The following SH3GL2 variants were observed in gnomAD, a reference collection of about 807,000 sequenced individuals.
SH3GL2 encodes the protein endophilin-A1.
Under a neutral mutation model 46.0 loss-of-function variants are expected in SH3GL2, and 24 were observed. That is an observed-to-expected ratio of 0.52 (90% CI 0.38 to 0.73). The LOEUF (loss-of-function observed/expected upper bound fraction) is 0.73, where lower values mean the gene tolerates loss of function less well. SH3GL2 is among the 30% of genes least tolerant of loss of function. SH3GL2 has a pLI of 0.00. For synonymous variants in SH3GL2, 196 were observed against 147.1 expected, an observed-to-expected ratio of 1.33 and a Z score of -2.40; for missense variants, 413 against 424.2, an observed-to-expected ratio of 0.97 and a Z score of 0.23.
intron 1 of SH3GL2, among the ~76,000 whole-genome samples, chr9:17,654,524 C>A (rs1820025979): frequency 6.6e-6 from 1 of 152,128 alleles, no homozygotes; most frequent in African/African-American, 2.4e-5. Context: ...GCCAATATGC[C>A]TGTCAGTAAG....
At chr9:17,622,832 G>A (rs1432951634) in intron 1 of SH3GL2, among the ~76,000 whole-genome samples, 1 of 152,046 alleles carries the variant, frequency 6.6e-6, no homozygotes, top group African/African-American at 2.4e-5. Context: ...TGTGCTTGGG[G>A]CATGAAAACC....
At chr9:17,599,624 G>A (rs1177772728) in intron 1 of SH3GL2, among the ~76,000 whole-genome samples, 2 of 152,200 alleles carry the variant, frequency 1.3e-5, no homozygotes, top group Admixed American at 1.3e-4. Flanking sequence ...AGTTTTATGA[G>A]GCAAATGATG....
At chr9:17,717,354 A>T (rs1821788434) in intron 1 of SH3GL2, among the ~76,000 whole-genome samples, 1 of 151,944 alleles carries the variant, frequency 6.6e-6, no homozygotes, top group Non-Finnish European at 1.5e-5. Context: ...TCTTTTACTA[A>T]CCTCCATCCA....
chr9:17,611,541 A>C (rs1818867315), intron 1 of SH3GL2, among the ~76,000 whole-genome samples: 1 of 152,150 alleles, frequency 6.6e-6, no homozygotes, highest in African/African-American at 2.4e-5. Flanking sequence ...GATGTGTGTG[A>C]CCTGTATATG....
intron 3 of SH3GL2, 144 bp from the exon 4 acceptor site, chr9:17,786,237 A>G: frequency 1.5e-6 from 1 of 656,860 alleles, no homozygotes; most frequent in Admixed American, 3.1e-5. Flanking sequence ...TGACTGACGG[A>G]GAGAACACTG....
At chr9:17,738,271 C>G (rs1393293698) in intron 1 of SH3GL2, among the ~76,000 whole-genome samples, 1 of 151,114 alleles carries the variant, frequency 6.6e-6, no homozygotes, top group Non-Finnish European at 1.5e-5. Context: ...GAACTTGCAC[C>G]AAAATAACCC....
intron 1 of SH3GL2, among the ~76,000 whole-genome samples, chr9:17,586,379 G>GAT (rs1818378133): frequency 6.6e-6 from 1 of 151,972 alleles, no homozygotes; most frequent in South Asian, 2.1e-4. Context: ...TTTGAATTAT[G>GAT]ATATATATAA....
At position 17,628,106 on chromosome 9, in the gene SH3GL2, C is replaced by G. The variant is rs1819326398; in HGVS notation, c.45+48819C>G. On this transcript the variant is annotated intron_variant, in intron 1 of 8. Transcript: ENST00000380607. ...AATATCTGAGACGTGACTGTGAGAC[C>G]CTGGTGAAGCTACCCGGAGTCTCAG... is the stretch of plus-strand genomic sequence containing the variant. Among the ~76,000 whole-genome samples, 3 of 152,044 alleles carry G rather than the reference C, an allele frequency of 2.0e-5. No individual in the cohort carries two copies. The South Asian group carries it at 6.2e-4, about 32-fold the overall frequency.
intron 3 of SH3GL2, 95 bp downstream of exon 3, chr9:17,761,604 G>A (rs1231321686): frequency 2.3e-6 from 2 of 851,742 alleles, no homozygotes; most frequent in Non-Finnish European, 4.1e-6. Context: ...TCTTCTTTTG[G>A]TGTTGCTTCC....
rs182679245 is a variant in SH3GL2 at position 17,725,183 on chromosome 9, C to G, written c.46-21883C>G. Among the ~76,000 whole-genome samples, 617 of 152,224 alleles carry G rather than the reference C, an allele frequency of 4.1e-3. 17 individuals carry two copies. Among genetic ancestry groups the G allele is most frequent in the Non-Finnish European group, 1.9e-3 (131 of 68,012 alleles). On this transcript the variant is annotated intron_variant, in intron 1 of 8. Transcript: ENST00000380607. Reference sequence around the variant, plus strand: ...GCTTAAGCCCCTCAAGTTAGTAAGGCTTTTGCATTTTGCTGATGGATCTGT... The same window carrying G: ...GCTTAAGCCCCTCAAGTTAGTAAGGGTTTTGCATTTTGCTGATGGATCTGT...
intron 1 of SH3GL2, among the ~76,000 whole-genome samples, chr9:17,697,297 C>T (rs1211906864): frequency 6.6e-6 from 1 of 151,622 alleles, no homozygotes; most frequent in Non-Finnish European, 1.5e-5. Flanking sequence ...GATCTCGGCT[C>T]ACTGCAAACT....
At chr9:17,774,557 T>A (rs1018876791) in intron 3 of SH3GL2, among the ~76,000 whole-genome samples, 2 of 152,080 alleles carry the variant, frequency 1.3e-5, no homozygotes, top group African/African-American at 4.8e-5. Context: ...TGTGGTTTTT[T>A]TTTTTACTCT....
intron 7 of SH3GL2, among the ~76,000 whole-genome samples, chr9:17,791,976 A>G (rs1338684433): frequency 1.3e-5 from 2 of 152,234 alleles, no homozygotes; most frequent in African/African-American, 4.8e-5. Flanking sequence ...GTTTGGCTAT[A>G]TACCAGTGGC....
At chr9:17,696,800 T>C (rs1378082443) in intron 1 of SH3GL2, among the ~76,000 whole-genome samples, 3 of 152,190 alleles carry the variant, frequency 2.0e-5, no homozygotes, top group African/African-American at 7.2e-5. Flanking sequence ...AGCTTTGGAT[T>C]ATCCCTTCCT....
At chr9:17,726,542 C>T (rs184042823) in intron 1 of SH3GL2, among the ~76,000 whole-genome samples, 3 of 151,824 alleles carry the variant, frequency 2.0e-5, no homozygotes, top group South Asian at 2.1e-4. Context: ...ATAGTGAGCT[C>T]GAATGTTTAA....
intron 1 of SH3GL2, among the ~76,000 whole-genome samples, chr9:17,730,500 A>G (rs973940801): frequency 1.3e-5 from 2 of 152,088 alleles, no homozygotes; most frequent in Admixed American, 6.6e-5. Flanking sequence ...ACTATGTTGA[A>G]TAGGAGTGGT....
At chr9:17,620,974 T>A (rs901213760) in intron 1 of SH3GL2, among the ~76,000 whole-genome samples, 1 of 152,152 alleles carries the variant, frequency 6.6e-6, no homozygotes, top group African/African-American at 2.4e-5. Flanking sequence ...AATGAGTTTT[T>A]AAAAAATACT....
chr9:17,656,780 A>C (rs544191829), intron 1 of SH3GL2, among the ~76,000 whole-genome samples: 31 of 151,108 alleles, frequency 2.1e-4, no homozygotes, highest in South Asian at 4.2e-4. Context: ...CAAAAAAAAA[A>C]AAAAAAACAA....
intron 3 of SH3GL2, among the ~76,000 whole-genome samples, chr9:17,780,480 T>TA (rs1554649476): frequency 6.2e-4 from 75 of 121,402 alleles, no homozygotes; most frequent in African/African-American, 1.9e-3. Context: ...TTTTTTTTTT[T>TA]AATTTTTTTT....
Sources: gnomAD v4.1 joint callset for allele counts (sites outside exome capture counted in the v4.1 genomes callset) on GRCh38, gnomAD v4.1.1 for gene constraint, MANE v1.5 for transcripts, NCBI Gene and HGNC (gene_info 2026-07-23, HGNC 2026-07-21) for gene names.